The following AFF3 variants were observed in gnomAD, a reference collection of about 807,000 sequenced individuals.
AFF3 encodes ALF transcription elongation factor 3, also known as AF4/FMR2 family member 3.
Under a neutral mutation model 129.7 loss-of-function variants are expected in AFF3, and 32 were observed. The ratio of observed to expected loss-of-function variants is 0.25; its 90% CI spans 0.19 to 0.33. The LOEUF (loss-of-function observed/expected upper bound fraction) is 0.33, where lower values mean the gene tolerates loss of function less well. Among genes scored for constraint, AFF3 ranks in the 10% least tolerant of loss-of-function variants. The probability of loss-of-function intolerance (pLI) is 1.00; values close to 1 mark genes in which losing one functional copy is unlikely to be tolerated. For missense variants in AFF3, 1,373 were observed against 1,592.0 expected, an observed-to-expected ratio of 0.86 and a Z score of 2.34; for synonymous variants, 644 against 635.4, an observed-to-expected ratio of 1.01 and a Z score of -0.20.
intron 4 of AFF3, among the ~76,000 whole-genome samples, chr2:100,020,409 T>C (rs1404323493): frequency 6.6e-6 from 1 of 152,078 alleles, no homozygotes; most frequent in Non-Finnish European, 1.5e-5. Context: ...AGGTGCCATC[T>C]TTATGTTGAT....
chr2:99,780,776 A>C (rs180690520), intron 8 of AFF3, among the ~76,000 whole-genome samples: 72 of 152,252 alleles, frequency 4.7e-4, no homozygotes, highest in African/African-American at 1.7e-3. Flanking sequence ...TATATTACTG[A>C]ATCCTGATAG....
intron 7 of AFF3, among the ~76,000 whole-genome samples, chr2:99,989,878 A>T (rs1433868427): frequency 6.6e-6 from 1 of 152,222 alleles, no homozygotes; most frequent in African/African-American, 2.4e-5. Context: ...GGTATTAGAA[A>T]AGCATTTTGC....
chr2:99,685,995 T>A (rs1675017471), intron 11 of AFF3, among the ~76,000 whole-genome samples: 1 of 152,060 alleles, frequency 6.6e-6, no homozygotes, highest in African/African-American at 2.4e-5. Context: ...GAGACCATCC[T>A]GGCTAACACA....
At chr2:99,643,298 T>A (rs1206211855) in intron 13 of AFF3, among the ~76,000 whole-genome samples, 1 of 152,116 alleles carries the variant, frequency 6.6e-6, no homozygotes, top group Admixed American at 6.5e-5. Flanking sequence ...GACCTTGTGA[T>A]CCGCCCGCCT....
At chr2:100,012,496 T>A (rs1233005427) in intron 4 of AFF3, among the ~76,000 whole-genome samples, 1 of 152,190 alleles carries the variant, frequency 6.6e-6, no homozygotes, top group Admixed American at 6.5e-5. Context: ...TCTCCCTAAG[T>A]GTCTGAACTC....
intron 8 of AFF3, among the ~76,000 whole-genome samples, chr2:99,832,095 C>T (rs1406285133): frequency 6.6e-6 from 1 of 152,224 alleles, no homozygotes; most frequent in Admixed American, 6.5e-5. Context: ...GAAACCTTTG[C>T]ATAAAATATT....
rs183700301 is a variant in AFF3, at chr2:100,060,477, T to G, written c.53+43925A>C. 3.0e-3 allele frequency among the ~76,000 whole-genome samples: 463 copies of G among 152,302 alleles called. 4 individuals carry two copies. The highest frequency in any genetic ancestry group is 0.011 in the African/African-American group (439 of 41,560). On this transcript the variant is annotated intron_variant, in intron 4 of 24. Coordinates refer to ENST00000672756, the MANE Select transcript of AFF3 (RefSeq NM_001386135.1). ...AACCGGGCTACCTTTTCCACCACAA[T>G]TTCTCATCCCTTCTGAAAGATGGTC...
intron 13 of AFF3, 93 bp from the exon 14 acceptor site, chr2:99,601,714 G>GGGA: frequency 7.0e-7 from 1 of 1,431,296 alleles, no homozygotes; most frequent in Non-Finnish European, 9.3e-7. Flanking sequence ...ACCCTAAAGA[G>GGGA]GGAGGAGGCA....
At chr2:100,119,836 T>G (rs1691879430) in intron 2 of AFF3, among the ~76,000 whole-genome samples, 1 of 152,196 alleles carries the variant, frequency 6.6e-6, no homozygotes, top group African/African-American at 2.4e-5. Context: ...ACACAGACCT[T>G]CAGTGCATTA....
intron 7 of AFF3, among the ~76,000 whole-genome samples, chr2:99,981,483 G>T (rs370645422): frequency 6.6e-6 from 1 of 152,104 alleles, no homozygotes; most frequent in African/African-American, 2.4e-5. Flanking sequence ...CTTCTAGAAG[G>T]ATACTAGAAG....
At chr2:99,819,005 T>C (rs1687449731) in intron 8 of AFF3, among the ~76,000 whole-genome samples, 1 of 152,210 alleles carries the variant, frequency 6.6e-6, no homozygotes, top group African/African-American at 2.4e-5. Context: ...ATCAACTACC[T>C]ATCAAATGAA....
chr2:99,970,012 C>T (rs1447942531), intron 7 of AFF3, among the ~76,000 whole-genome samples: 2 of 152,066 alleles, frequency 1.3e-5, no homozygotes, highest in Non-Finnish European at 2.9e-5. Flanking sequence ...TGCTGCTCTC[C>T]GAATGCTGCA....
At chr2:100,052,901 GAT>G (rs1686463695) in intron 4 of AFF3, among the ~76,000 whole-genome samples, 1 of 152,098 alleles carries the variant, frequency 6.6e-6, no homozygotes, top group East Asian at 1.9e-4. Flanking sequence ...TCTTATCAGT[GAT>G]TTTGTTTAAC....
intron 19 of AFF3, among the ~76,000 whole-genome samples, chr2:99,568,569 A>T (rs1676190351): frequency 6.6e-6 from 1 of 152,192 alleles, no homozygotes; most frequent in Non-Finnish European, 1.5e-5. Context: ...AAGGAAAAAA[A>T]AATACTACCG....
rs754572566 is a variant in AFF3 at position 99,727,135 on chromosome 2, A to C, written c.1040-7T>G. 6.2e-7 allele frequency: 1 copy of C among 1,608,364 alleles called. No individual in the cohort carries two copies. ...GGCTCTGCATCACCTTTCTCTTAAAAAGGAAGCAGAAAAAAATACCGACAT... is the reference window on the plus strand; with the variant it reads ...GGCTCTGCATCACCTTTCTCTTAAACAGGAAGCAGAAAAAAATACCGACAT... On this transcript the variant is annotated splice_polypyrimidine_tract_variant and splice_region_variant and intron_variant, in intron 10 of 24. Coordinates refer to ENST00000672756, the MANE Select transcript of AFF3 (RefSeq NM_001386135.1).
intron 14 of AFF3, among the ~76,000 whole-genome samples, chr2:99,599,013 T>C (rs1294248949): frequency 1.3e-5 from 2 of 152,220 alleles, no homozygotes; most frequent in East Asian, 3.9e-4. Flanking sequence ...CTGCTGCTTC[T>C]GCAGTCCTCT....
intron 8 of AFF3, among the ~76,000 whole-genome samples, chr2:99,826,164 G>A (rs577693790): frequency 6.6e-5 from 10 of 152,100 alleles, no homozygotes; most frequent in African/African-American, 2.2e-4. Context: ...ACAGTCCCCC[G>A]CCACCATGCC....
At chr2:99,858,810 T>C (rs934219264) in intron 7 of AFF3, among the ~76,000 whole-genome samples, 6 of 152,146 alleles carry the variant, frequency 3.9e-5, no homozygotes, top group Non-Finnish European at 7.3e-5. Context: ...ATAGGCTTAA[T>C]ACCTGGTTGA....
At chr2:99,859,653 T>C (rs1234322496) in intron 7 of AFF3, among the ~76,000 whole-genome samples, 1 of 152,234 alleles carries the variant, frequency 6.6e-6, no homozygotes, top group Non-Finnish European at 1.5e-5. Flanking sequence ...ACACGTTTTC[T>C]TCTCTTCATT....
Sources: allele counts gnomAD v4.1 joint callset (sites outside exome capture counted in the v4.1 genomes callset), GRCh38; gene constraint gnomAD v4.1.1; transcripts MANE v1.5; gene names NCBI Gene and HGNC (gene_info 2026-07-23, HGNC 2026-07-21).